TPRKB: variants seen among roughly 807,000 people sequenced by gnomAD.
TPRKB encodes EKC/KEOPS complex subunit TPRKB.
TPRKB carries 11 observed loss-of-function variants against 17.8 expected under a neutral mutation model. That is an observed-to-expected ratio of 0.62 (90% CI 0.39 to 1.02). The LOEUF (loss-of-function observed/expected upper bound fraction) is 1.02, where lower values mean the gene tolerates loss of function less well. Ranked by LOEUF, TPRKB falls within the 50% of genes least tolerant of loss-of-function variation. The pLI, the probability that TPRKB is intolerant of heterozygous loss-of-function variation, is 0.00. For missense variants in TPRKB, 228 were observed against 198.0 expected (o/e 1.15, Z -0.91); for synonymous variants, 71 against 69.5 (o/e 1.02, Z -0.11).
chr2:73,737,226 G>A (rs745435452), intron 1 of TPRKB, 76 bp downstream of exon 1: 1 of 152,264 alleles, frequency 6.6e-6, no homozygotes, highest in Non-Finnish European at 1.5e-5. Flanking sequence ...CGCAGCCGTT[G>A]TCCCAAAGAC....
Position 73,732,299 on chromosome 2 carries a change from GA to G in TPRKB, c.142-15del, listed in dbSNP as rs1291371834. On this transcript the variant is annotated splice_polypyrimidine_tract_variant and intron_variant, in intron 2 of 4. Transcript: ENST00000272424. ...TGGATCAACAATCTACCAAAGCAAG[GA>G]AAAAGAATTAATTACACATGGAGAA... The G allele has an allele frequency of 1.2e-6, 2 of 1,606,624 alleles. No individual in the cohort carries two copies. The highest frequency in any genetic ancestry group is 3.5e-5 in the Admixed American group (2 of 57,634).
intron 2 of TPRKB, 63 bp downstream of exon 2, chr2:73,734,366 T>G: frequency 6.5e-7 from 1 of 1,535,258 alleles, no homozygotes; most frequent in Non-Finnish European, 8.8e-7. Context: ...CCTAAAGTGC[T>G]GGCATTACAG....
intron 4 of TPRKB, 97 bp from the exon 5 acceptor site, chr2:73,730,126 A>G: frequency 7.5e-7 from 1 of 1,335,318 alleles, no homozygotes; most frequent in Non-Finnish European, 1.0e-6. Flanking sequence ...TTCCTCATTC[A>G]ATTATTGGGT....
intron 1 of TPRKB, among the ~76,000 whole-genome samples, chr2:73,734,869 C>A (rs531351552): frequency 3.9e-5 from 6 of 152,304 alleles, no homozygotes; most frequent in Admixed American, 1.3e-4. Flanking sequence ...GCTGCTTCCC[C>A]AGCAGACAAG....
At chr2:73,734,307 C>T in intron 2 of TPRKB, 122 bp downstream of exon 2, 1 of 942,022 alleles carries the variant, frequency 1.1e-6, no homozygotes, top group South Asian at 1.8e-5. Context: ...CCATGTTGGC[C>T]AGGCTGGTCT....
At chr2:73,730,794 C>G in intron 3 of TPRKB, 58 bp from the exon 4 acceptor site, 1 of 1,260,754 alleles carries the variant, frequency 7.9e-7, no homozygotes. Flanking sequence ...TTTCCTACGT[C>G]TGAAACATTT....
intron 3 of TPRKB, 41 bp from the exon 4 acceptor site, chr2:73,730,777 A>G: frequency 7.2e-7 from 1 of 1,384,848 alleles, no homozygotes; most frequent in East Asian, 2.6e-5. Context: ...AAGATCATTA[A>G]CCATTGTTTC....
chr2:73,733,814 C>CTTTTTTTTTTTTT (rs755122123), intron 2 of TPRKB, among the ~76,000 whole-genome samples: 2 of 114,040 alleles, frequency 1.8e-5, no homozygotes, highest in Admixed American at 8.8e-5. Flanking sequence ...CTCATTCATT[C>CTTTTTTTTTTTTT]TTTTTTTTTT....
intron 3 of TPRKB, 44 bp downstream of exon 3, chr2:73,732,119 T>G: frequency 1.3e-6 from 2 of 1,594,668 alleles, no homozygotes; most frequent in Non-Finnish European, 1.7e-6. Flanking sequence ...GGAACACATA[T>G]GTTATTATGA....
At chr2:73,730,459 C>G (rs1248491925) in intron 4 of TPRKB, 101 bp downstream of exon 4, 16 of 799,914 alleles carry the variant, frequency 2.0e-5, no homozygotes, top group Non-Finnish European at 3.0e-5. Flanking sequence ...TTAACTTTCT[C>G]AAAAGTTCAA....
At chr2:73,730,863 T>C in intron 3 of TPRKB, 127 bp from the exon 4 acceptor site, 1 of 606,426 alleles carries the variant, frequency 1.6e-6, no homozygotes, top group South Asian at 2.8e-5. Context: ...CAGTTCTCAC[T>C]GCCTACTTTT....
chr2:73,737,111 T>C (rs1300224515), intron 1 of TPRKB, among the ~76,000 whole-genome samples, 191 bp downstream of exon 1: 5 of 152,210 alleles, frequency 3.3e-5, no homozygotes. Flanking sequence ...GCCTATCCGC[T>C]GCATGTCTCC....
chr2:73,734,073 T>C (rs989805403), intron 2 of TPRKB, among the ~76,000 whole-genome samples: 20 of 150,910 alleles, frequency 1.3e-4, no homozygotes, highest in African/African-American at 4.9e-4. Flanking sequence ...CCCAAAGGGC[T>C]GGGATTACAG....
At chr2:73,735,006 C>A (rs184078977) in intron 1 of TPRKB, among the ~76,000 whole-genome samples, 128 of 152,236 alleles carry the variant, frequency 8.4e-4, no homozygotes, top group African/African-American at 3.0e-3. Context: ...AAGGCCTAGA[C>A]ATAAATATTA....
intron 1 of TPRKB, among the ~76,000 whole-genome samples, 156 bp downstream of exon 1, chr2:73,737,146 C>T (rs925053193): frequency 6.6e-6 from 1 of 152,112 alleles, no homozygotes; most frequent in African/African-American, 2.4e-5. Context: ...CTTGAGGGGA[C>T]AGCCTGACTC....
At chr2:73,732,403 G>T (rs1285401104) in intron 2 of TPRKB, 118 bp from the exon 3 acceptor site, 2 of 1,176,498 alleles carry the variant, frequency 1.7e-6, no homozygotes, top group Non-Finnish European at 2.4e-6. Flanking sequence ...CAATTCTTAC[G>T]GTCTGTATTT....
intron 2 of TPRKB, among the ~76,000 whole-genome samples, chr2:73,733,247 T>G (rs959435268): frequency 5.0e-5 from 2 of 40,104 alleles, no homozygotes; most frequent in Non-Finnish European, 1.3e-4. Flanking sequence ...GTGTGCCCTG[T>G]TTTTTTGTTT....
chr2:73,732,268 C>A lies in TPRKB; in HGVS notation c.159G>T (p.Gln53His). The A allele has an allele frequency of 1.2e-6, 2 of 1,613,708 alleles. No homozygotes were observed. The highest frequency in any genetic ancestry group is 1.7e-6 in the Non-Finnish European group (2 of 1,179,908). ...INPTVIVDPFQILVAANKAVH... is the reference protein window; with the variant it reads ...INPTVIVDPFHILVAANKAVH... ...CTGCTTTGTTTGCTGCCACAAGTAT[C>A]TGAAATGGATCAACAATCTACCAAA... is the stretch of plus-strand genomic sequence containing the variant. The change falls in exon 3 of 5, where the codon CAG becomes CAT. Residue 53 changes from glutamine to histidine, a missense_variant. Transcript: ENST00000272424.
At chr2:73,736,494 T>G (rs1458910578) in intron 1 of TPRKB, among the ~76,000 whole-genome samples, 1 of 152,186 alleles carries the variant, frequency 6.6e-6, no homozygotes, top group Non-Finnish European at 1.5e-5. Flanking sequence ...CTTAGAAAAC[T>G]TCAAAATAGT....
Sources: gnomAD v4.1 joint callset for allele counts (sites outside exome capture counted in the v4.1 genomes callset) on GRCh38, gnomAD v4.1.1 for gene constraint, MANE v1.5 for transcripts, NCBI Gene and HGNC (gene_info 2026-07-23, HGNC 2026-07-21) for gene names.